The following CSMD3 variants were observed in gnomAD, a reference collection of about 807,000 sequenced individuals.
The protein encoded by CSMD3 is CUB and Sushi multiple domains 3.
A neutral mutation model predicts 435.2 loss-of-function variants in CSMD3; 177 were observed. The ratio of observed to expected loss-of-function variants is 0.41; its 90% confidence interval spans 0.36 to 0.46. The LOEUF (loss-of-function observed/expected upper bound fraction) is 0.46, where lower values mean the gene tolerates loss of function less well. Ranked by LOEUF, CSMD3 falls within the 20% of genes least tolerant of loss-of-function variation. The probability of loss-of-function intolerance (pLI) is 0.34; values close to 1 mark genes in which losing one functional copy is unlikely to be tolerated. For synonymous variants in CSMD3, 1,656 were observed against 1,520.5 expected, an observed-to-expected ratio of 1.09 and a Z score of -2.07; for missense variants, 4,265 against 4,504.6, an observed-to-expected ratio of 0.95 and a Z score of 1.52.
At chr8:113,287,227 T>C (rs1001507681) in intron 2 of CSMD3, among the ~76,000 whole-genome samples, 1 of 152,068 alleles carries the variant, frequency 6.6e-6, no homozygotes, top group East Asian at 1.9e-4. Context: ...ACAGTAAGAC[T>C]TTTGGATATG....
At chr8:113,035,763 T>C (rs1385835495) in intron 5 of CSMD3, among the ~76,000 whole-genome samples, 2 of 151,962 alleles carry the variant, frequency 1.3e-5, no homozygotes, top group East Asian at 3.9e-4. Flanking sequence ...ATTTATTCAC[T>C]GAAATAAAAG....
intron 32 of CSMD3, among the ~76,000 whole-genome samples, chr8:112,411,160 T>G: frequency 6.7e-6 from 1 of 150,176 alleles, no homozygotes; most frequent in Admixed American, 6.7e-5. Flanking sequence ...CTCTTCTCAA[T>G]TATTGTTTGT....
intron 1 of CSMD3, among the ~76,000 whole-genome samples, chr8:113,418,014 T>C (rs1470215425): frequency 2.6e-5 from 4 of 152,094 alleles, no homozygotes; most frequent in Non-Finnish European, 5.9e-5. Context: ...AATATTCTAT[T>C]GTAAATCCAT....
chr8:112,611,213 A>C (rs932634182), intron 22 of CSMD3, among the ~76,000 whole-genome samples: 6 of 152,186 alleles, frequency 3.9e-5, no homozygotes, highest in Non-Finnish European at 8.8e-5. Flanking sequence ...TTGACTTTAC[A>C]TCTGTGAATA....
intron 28 of CSMD3, among the ~76,000 whole-genome samples, chr8:112,512,893 A>G (rs186898353): frequency 1.3e-3 from 198 of 152,330 alleles, no homozygotes; most frequent in Non-Finnish European, 1.7e-3. Context: ...CAGTACCTAC[A>G]TATTCACGTT....
At chr8:112,282,761 G>T (rs1248725670) in intron 58 of CSMD3, among the ~76,000 whole-genome samples, 1 of 152,054 alleles carries the variant, frequency 6.6e-6, no homozygotes, top group Non-Finnish European at 1.5e-5. Context: ...CATCTATCAT[G>T]AGTGAAGGCT....
At chr8:113,417,712 A>G (rs2094588501) in intron 1 of CSMD3, among the ~76,000 whole-genome samples, 1 of 151,984 alleles carries the variant, frequency 6.6e-6, no homozygotes, top group South Asian at 2.1e-4. Flanking sequence ...GCATCCATGA[A>G]TTTTCAGAAA....
intron 6 of CSMD3, among the ~76,000 whole-genome samples, chr8:113,004,904 C>T (rs112996399): frequency 1.8e-4 from 28 of 151,584 alleles, no homozygotes; most frequent in African/African-American, 3.6e-4. Flanking sequence ...CTAATTTGTG[C>T]GCTGCTTGTA....
chr8:112,314,292 G>T, intron 48 of CSMD3, 137 bp downstream of exon 48: 1 of 728,004 alleles, frequency 1.4e-6, no homozygotes, highest in Non-Finnish European at 2.3e-6. Flanking sequence ...GTATAGGAGT[G>T]AATTTAATGT....
At position 112,224,720 on chromosome 8, in the gene CSMD3, C is replaced by T. The variant is rs775173349; in HGVS notation, c.*51G>A. The T allele has an allele frequency of 6.3e-7, 1 of 1,592,966 alleles. No homozygotes were observed. Among genetic ancestry groups the T allele is most frequent in the East Asian group, 2.2e-5 (1 of 44,766 alleles). ...TGTTTAGCAGTGAACTAAATGTGCACTGTTTTGTGTGTCGATTTCCAAGCT... is the reference window on the plus strand; with the variant it reads ...TGTTTAGCAGTGAACTAAATGTGCATTGTTTTGTGTGTCGATTTCCAAGCT... On this transcript the variant is annotated 3_prime_UTR_variant, in exon 71 of 71. Transcript: ENST00000297405.
intron 13 of CSMD3, among the ~76,000 whole-genome samples, chr8:112,715,890 G>A (rs2076715079): frequency 3.3e-5 from 5 of 151,760 alleles, no homozygotes. Flanking sequence ...ATTGTTAAAC[G>A]TTTTTGATAA....
At chr8:112,911,336 G>A (rs1441628254) in intron 10 of CSMD3, among the ~76,000 whole-genome samples, 3 of 151,760 alleles carry the variant, frequency 2.0e-5, no homozygotes, top group African/African-American at 4.8e-5. Flanking sequence ...TTGTCTACTT[G>A]TGAAAAATTA....
At position 112,223,955 on chromosome 8, in the gene CSMD3, A is replaced by G. The variant is rs1019561270; in HGVS notation, c.*816T>C. On this transcript the variant is annotated 3_prime_UTR_variant, in exon 71 of 71. Coordinates refer to ENST00000297405, the MANE Select transcript of CSMD3 (RefSeq NM_198123.2). ...CCAAATGGTTTTTGGGTGAGGAAAC[A>G]TACTGAAGCTACTATCACATTTGGG... 3 of 152,192 alleles carry G rather than the reference A, an allele frequency of 2.0e-5. No homozygotes were observed. Among genetic ancestry groups the G allele is most frequent in the African/African-American group, 7.2e-5 (3 of 41,462 alleles). The allele number at this position is 152,192 out of a possible 1,614,324, so 9.4% of individuals were successfully genotyped here.
intron 13 of CSMD3, among the ~76,000 whole-genome samples, chr8:112,719,530 A>G (rs2076810669): frequency 6.6e-6 from 1 of 152,114 alleles, no homozygotes; most frequent in Non-Finnish European, 1.5e-5. Flanking sequence ...TTCTTGATAT[A>G]TCCTCACATG....
At chr8:112,484,588 T>TC (rs1436257383) in intron 31 of CSMD3, among the ~76,000 whole-genome samples, 4 of 151,942 alleles carry the variant, frequency 2.6e-5, no homozygotes, top group Admixed American at 6.6e-5. Flanking sequence ...AAATGTAGAC[T>TC]ACATGGTAGT....
chr8:112,319,904 T>C lies in CSMD3; in HGVS notation c.7243A>G (p.Ile2415Val), dbSNP rs2130866387. ...GAAAATAATTTAACAGCTTTACCTA[T>C]TTCAAATTCATCATCTTCCGTCAAA... Reference protein sequence around the residue: ...EILTEDDEFEIGDIIRYQCLP... With the variant: ...EILTEDDEFEVGDIIRYQCLP... Residue 2415 changes from isoleucine to valine, a missense_variant, in exon 46 of 71, where the codon ATA (isoleucine) becomes GTA (valine). This residue lies in a region of CSMD3 where 3,255 missense variants were observed against 3,380.2 expected (regional missense o/e 0.96). Coordinates refer to ENST00000297405, the MANE Select transcript of CSMD3 (RefSeq NM_198123.2). 1 of 1,607,524 alleles carries C rather than the reference T, an allele frequency of 6.2e-7. No individual in the cohort carries two copies. The highest frequency in any genetic ancestry group is 8.5e-7 in the Non-Finnish European group (1 of 1,174,310).
intron 22 of CSMD3, among the ~76,000 whole-genome samples, chr8:112,609,022 G>A (rs1193273440): frequency 6.6e-6 from 1 of 151,362 alleles, no homozygotes; most frequent in Non-Finnish European, 1.5e-5. Flanking sequence ...AAAAGTTTCT[G>A]CCCAGCAAGG....
intron 10 of CSMD3, among the ~76,000 whole-genome samples, chr8:112,881,508 G>A (rs773316827): frequency 5.5e-4 from 83 of 151,988 alleles, no homozygotes; most frequent in Admixed American, 1.1e-3. Context: ...GAATTATTGT[G>A]AACAGGTTGT....
intron 10 of CSMD3, among the ~76,000 whole-genome samples, chr8:112,907,313 C>T (rs1481049248): frequency 6.6e-6 from 1 of 151,410 alleles, no homozygotes; most frequent in Non-Finnish European, 1.5e-5. Context: ...AACTGAAATT[C>T]ATCATATTCG....
Sources: gnomAD v4.1 joint callset for allele counts (sites outside exome capture counted in the v4.1 genomes callset) on GRCh38, gnomAD v4.1.1 for gene constraint, gnomAD v4.1.1 regional missense constraint, MANE v1.5 for transcripts, NCBI Gene and HGNC (gene_info 2026-07-23, HGNC 2026-07-21) for gene names.